ZNF112: variants seen among roughly 807,000 people sequenced by gnomAD.
ZNF112 encodes the protein zinc finger protein 112 (Y14).
In ZNF112, 37 loss-of-function variants were observed where a neutral mutation model predicts 77.7. The ratio of observed to expected loss-of-function variants is 0.48; its 90% confidence interval spans 0.37 to 0.63. ZNF112 has a LOEUF of 0.63. Among genes scored for constraint, ZNF112 ranks in the 20% least tolerant of loss-of-function variants. ZNF112 has a pLI of 0.00. For missense variants in ZNF112, 950 were observed against 1,077.4 expected, an observed-to-expected ratio of 0.88 and a Z score of 1.66; for synonymous variants, 333 against 363.6, an observed-to-expected ratio of 0.92 and a Z score of 0.96.
At chr19:44,338,083 T>C (rs113705656) in intron 2 of ZNF112, among the ~76,000 whole-genome samples, 5 of 148,524 alleles carry the variant, frequency 3.4e-5, no homozygotes, top group Non-Finnish European at 5.9e-5. Flanking sequence ...AAAAAAAAAA[T>C]TGGGGACATG....
rs1336937349 is a variant in ZNF112 at position 44,328,918 on chromosome 19, C to T, written c.1239G>A (p.Glu413=). 5 of 1,613,884 alleles carry T rather than the reference C, an allele frequency of 3.1e-6. No individual in the cohort carries two copies. Among genetic ancestry groups the T allele is most frequent in the East Asian group, 4.5e-5 (2 of 44,878 alleles). ...AACTACAAATGAAACTCTTTCCATA[C>T]TCTATATCTGTGTATAGTTTCTCTT... is the stretch of plus-strand genomic sequence containing the variant. The part of the protein sequence containing the change: ...HTEEKLYTDI[E]YGKSFICSSN... Residue 413 remains glutamate (E), a synonymous_variant, in exon 4 of 4, where the codon GAG becomes GAA. Transcript: ENST00000354340.
In ZNF112 at chr19:44,327,890, G is replaced by A. The variant is rs149705759; in HGVS notation, c.2267C>T (p.Ser756Leu). ...AACCCTCCGATGTGCTTCAAGGCGC[G>A]AACTCTGACTAAAGCCCTTCCCACA... ...EMCGKGFSQS[S>L]RLEAHRRVHT... Residue 756 changes from serine to leucine, a missense_variant, in exon 4 of 4, where the codon TCG becomes TTG. By Grantham distance (145) the Ser-to-Leu change is moderately radical (BLOSUM62 -2). Transcript: ENST00000354340. The A allele has an allele frequency of 1.2e-4, 187 of 1,613,474 alleles. No homozygotes were observed. The African/African-American group carries it at 1.8e-3, about 16-fold the overall frequency.
intron 1 of ZNF112, among the ~76,000 whole-genome samples, chr19:44,340,935 A>G (rs1295531214): frequency 6.6e-6 from 1 of 152,214 alleles, no homozygotes; most frequent in Non-Finnish European, 1.5e-5. Context: ...GGTATCAGTC[A>G]TCCTTACTGC....
chr19:44,332,905 T>A (rs1970296035), intron 3 of ZNF112, among the ~76,000 whole-genome samples: 1 of 152,230 alleles, frequency 6.6e-6, no homozygotes, highest in Non-Finnish European at 1.5e-5. Flanking sequence ...TAGTCAATGG[T>A]ATAGACCGAA....
chr19:44,347,485 A>ACTTTTTTTTTTT (rs1555804139), intron 1 of ZNF112, among the ~76,000 whole-genome samples: 2 of 40,322 alleles, frequency 5.0e-5, no homozygotes, highest in African/African-American at 7.2e-5. Context: ...TTTTGGGTTG[A>ACTTTTTTTTTTT]TTTTTTTTTT....
chr19:44,333,528 T>G (rs1360997780), intron 3 of ZNF112, among the ~76,000 whole-genome samples: 1 of 152,166 alleles, frequency 6.6e-6, no homozygotes, highest in Non-Finnish European at 1.5e-5. Flanking sequence ...TGGGAGGTGA[T>G]TGGATCATGG....
intron 1 of ZNF112, among the ~76,000 whole-genome samples, chr19:44,366,404 C>T (rs1970904815): frequency 6.6e-6 from 1 of 152,014 alleles, no homozygotes; most frequent in Admixed American, 6.5e-5. Flanking sequence ...CCTACCTCTT[C>T]CCACAGACGT....
chr19:44,340,243 T>C (rs963446939), intron 2 of ZNF112, among the ~76,000 whole-genome samples, 173 bp downstream of exon 2: 2 of 152,274 alleles, frequency 1.3e-5, no homozygotes, highest in Middle Eastern at 6.8e-3. Flanking sequence ...ATTCCAAGGA[T>C]AGACTGGACA....
chr19:44,333,506 G>A (rs1320012910), intron 3 of ZNF112, among the ~76,000 whole-genome samples: 1 of 152,194 alleles, frequency 6.6e-6, no homozygotes, highest in Non-Finnish European at 1.5e-5. Context: ...CAGTGTTGGA[G>A]TTGAGGCCTG....
intron 2 of ZNF112, among the ~76,000 whole-genome samples, chr19:44,339,474 G>C (rs1272723997): frequency 2.0e-5 from 3 of 152,134 alleles, no homozygotes; most frequent in African/African-American, 7.2e-5. Flanking sequence ...AAAAACTCTG[G>C]ACACCAAGGC....
At chr19:44,330,851 T>G (rs912850684) in intron 3 of ZNF112, among the ~76,000 whole-genome samples, 3 of 152,224 alleles carry the variant, frequency 2.0e-5, no homozygotes, top group Admixed American at 1.3e-4. Context: ...TAGTTGCAAA[T>G]GGACAAACGC....
upstream of ZNF112, among the ~76,000 whole-genome samples, chr19:44,358,291 T>A (rs1180910857): frequency 6.6e-6 from 1 of 152,168 alleles, no homozygotes; most frequent in Non-Finnish European, 1.5e-5. Context: ...GGGATTTTTT[T>A]TTATAAAATG....
intron 1 of ZNF112, chr19:44,343,214 G>A: frequency 1.9e-6 from 3 of 1,609,362 alleles, no homozygotes; most frequent in Non-Finnish European, 8.5e-7. Context: ...ACTGCAAAAT[G>A]AGGTCACATG....
At chr19:44,335,298 T>C (rs1970345928) in intron 3 of ZNF112, among the ~76,000 whole-genome samples, 3 of 152,360 alleles carry the variant, frequency 2.0e-5, no homozygotes, top group Non-Finnish European at 2.9e-5. Context: ...TGTAGCCCCA[T>C]TGTATCTTGG....
intron 1 of ZNF112, among the ~76,000 whole-genome samples, chr19:44,350,805 A>G (rs1425843456): frequency 6.6e-6 from 1 of 152,116 alleles, no homozygotes; most frequent in Non-Finnish European, 1.5e-5. Flanking sequence ...TTCATTGTAC[A>G]CTGCATAATT....
At chr19:44,330,157 CA>C (rs1970244161) in intron 3 of ZNF112, among the ~76,000 whole-genome samples, 1 of 152,014 alleles carries the variant, frequency 6.6e-6, no homozygotes, top group South Asian at 2.1e-4. Flanking sequence ...CTCCAAAATC[CA>C]AAACTTTTTT....
In ZNF112 at chr19:44,329,453, A is replaced by C; in HGVS notation, c.704T>G (p.Met235Arg). 1 of 1,614,104 alleles carries C rather than the reference A, an allele frequency of 6.2e-7. No individual in the cohort carries two copies. The highest frequency in any genetic ancestry group is 8.5e-7 in the Non-Finnish European group (1 of 1,180,004). ...CTCCTGATTAAGTAATGATACCTTC[A>C]TGATATCTTCTCCACAGTCATGGCA... ...YSCHDCGEDI[M>R]KVSLLNQESI... Residue 235 changes from methionine (M) to arginine (R), a missense_variant, in exon 4 of 4, where the codon ATG becomes AGG. This residue lies in a region of ZNF112 where 560 missense variants were observed against 557.3 expected (regional missense o/e 1.00). Transcript: ENST00000354340.
intron 1 of ZNF112, among the ~76,000 whole-genome samples, chr19:44,352,186 G>T (rs1431705157): frequency 6.6e-6 from 1 of 152,122 alleles, no homozygotes; most frequent in African/African-American, 2.4e-5. Flanking sequence ...CAATGCAATT[G>T]TCAAAACTCA....
upstream of ZNF112, among the ~76,000 whole-genome samples, chr19:44,360,593 C>A (rs2123227219): frequency 6.6e-6 from 1 of 152,194 alleles, no homozygotes; most frequent in East Asian, 1.9e-4. Flanking sequence ...GCAATCTTGC[C>A]AACTAATCTA....
Sources: allele counts gnomAD v4.1 joint callset (sites outside exome capture counted in the v4.1 genomes callset), GRCh38; gene constraint gnomAD v4.1.1; regional missense constraint gnomAD v4.1.1; transcripts MANE v1.5; gene names NCBI Gene and HGNC (gene_info 2026-07-23, HGNC 2026-07-21).